COL27A1: variants seen among roughly 807,000 people sequenced by gnomAD.
COL27A1 encodes collagen alpha-1(XXVII) chain.
Under a neutral mutation model 251.3 loss-of-function variants are expected in COL27A1, and 106 were observed. That is an observed-to-expected ratio of 0.42 (90% CI 0.36 to 0.50). The LOEUF is 0.50. Among genes scored for constraint, COL27A1 ranks in the 20% least tolerant of loss-of-function variants. The pLI, the probability that COL27A1 is intolerant of heterozygous loss-of-function variation, is 0.00. For missense variants in COL27A1, 2,325 were observed against 2,522.8 expected (o/e 0.92, Z 1.68); for synonymous variants, 1,000 against 986.3 (o/e 1.01, Z -0.26).
At chr9:114,283,799 G>T (rs774802328) in intron 40 of COL27A1, 37 bp downstream of exon 40, 1 of 1,608,540 alleles carries the variant, frequency 6.2e-7, no homozygotes, top group South Asian at 1.1e-5. Flanking sequence ...CCCCGACTCT[G>T]TCCTGCAGGC....
At position 114,267,533 on chromosome 9, in the gene COL27A1, C is replaced by T. The variant is rs571291463; in HGVS notation, c.3477C>T (p.Gly1159=). Residue 1159 remains glycine, a synonymous_variant, in exon 34 of 61, where the codon GGC becomes GGT. Transcript: ENST00000356083. ...CGCCTGGTGCAGTGGGAGAACCGGG[C>T]CTTCCTGGGGAAGCCGGGATGAAGG... ...KGPPGAVGEP[G]LPGEAGMKGD... is the part of the protein sequence containing the mutation. 1 of 1,595,784 alleles carries T rather than the reference C, an allele frequency of 6.3e-7. No homozygotes were observed. Among genetic ancestry groups the T allele is most frequent in the East Asian group, 2.3e-5 (1 of 43,500 alleles).
At chr9:114,219,523 T>A (rs749973124) in intron 12 of COL27A1, among the ~76,000 whole-genome samples, 9 of 152,166 alleles carry the variant, frequency 5.9e-5, no homozygotes, top group African/African-American at 9.7e-5. Context: ...GATCTCAGAA[T>A]AGGGGATTGG....
chr9:114,269,542 G>T (rs1017165664), intron 35 of COL27A1, among the ~76,000 whole-genome samples: 2 of 145,760 alleles, frequency 1.4e-5, no homozygotes, highest in Non-Finnish European at 3.0e-5. Flanking sequence ...TTGGACCCAG[G>T]AGTTGGAGGT....
chr9:114,300,975 A>C, intron 51 of COL27A1, 97 bp from the exon 52 acceptor site: 1 of 1,205,238 alleles, frequency 8.3e-7, no homozygotes, highest in Non-Finnish European at 1.2e-6. Context: ...TCTCCCTTCT[A>C]CTCCCTTGCG....
rs758805999 is a variant in COL27A1, at chr9:114,168,573, T to C, written c.1018T>C (p.Ser340Pro). The C allele has an allele frequency of 6.8e-6, 11 of 1,613,914 alleles. No individual in the cohort carries two copies. The African/African-American group carries it at 1.1e-4, about 16-fold the overall frequency. The change falls in exon 3 of 61, where the codon TCT (serine) becomes CCT (proline). Residue 340 changes from serine (S) to proline (P), a missense_variant. By Grantham distance (74) the Ser-to-Pro change is moderately conservative. This residue lies in a region of COL27A1 where 1,183 missense variants were observed against 1,144.1 expected (regional missense o/e 1.03). Transcript: ENST00000356083. ...CGCACTTGATCCCATGCTCCCAGCC[T>C]CTGTTGGCGGCTCTACCAGAACGCC... ...SNALDPMLPA[S>P]VGGSTRTPRP...
intron 34 of COL27A1, 124 bp downstream of exon 34, chr9:114,267,681 C>T (rs1405368976): frequency 1.2e-5 from 11 of 926,098 alleles, no homozygotes; most frequent in South Asian, 1.1e-4. Context: ...TCTCTGTGCT[C>T]CTGGCTGGGG....
In COL27A1 at chr9:114,240,345, C is replaced by T. The variant is rs890691146; in HGVS notation, c.2781+72C>T. ...TGCAGAAACCACAGGGGCTGGCTGC[C>T]TGGCTTGGAAGCAGGGGTTGCCTTG... is the stretch of plus-strand genomic sequence containing the variant. On this transcript the variant is annotated intron_variant, in intron 20 of 60. Coordinates refer to ENST00000356083, the MANE Select transcript of COL27A1 (RefSeq NM_032888.4). 8 of 1,585,182 alleles carry T rather than the reference C, an allele frequency of 5.0e-6. No homozygotes were observed. The African/African-American group carries it at 1.1e-4, about 21-fold the overall frequency.
chr9:114,213,977 C>T, intron 12 of COL27A1, among the ~76,000 whole-genome samples: 1 of 152,176 alleles, frequency 6.6e-6, no homozygotes, highest in East Asian at 1.9e-4. Flanking sequence ...GTGCAATACC[C>T]TTGAGAGCCA....
chr9:114,158,684 T>C (rs559657581), intron 1 of COL27A1, among the ~76,000 whole-genome samples: 7 of 152,290 alleles, frequency 4.6e-5, no homozygotes, highest in Admixed American at 4.6e-4. Flanking sequence ...TAAACAGGAT[T>C]GGAACGGGAG....
intron 41 of COL27A1, among the ~76,000 whole-genome samples, chr9:114,288,149 G>A (rs1464977469): frequency 6.6e-6 from 1 of 152,164 alleles, no homozygotes. Flanking sequence ...AGTGTTGCAG[G>A]CCACACGGCT....
rs997912058 is a variant in COL27A1 at position 114,156,125 on chromosome 9, C to T, written c.62+113C>T. On this transcript the variant is annotated intron_variant, in intron 1 of 60. Transcript: ENST00000356083. ...TCCAGCGGAACGTCAGCTTCCTGCCCCTTCCTGCGCCCCCGCGAGGCGGGA... is the reference window on the plus strand; with the variant it reads ...TCCAGCGGAACGTCAGCTTCCTGCCTCTTCCTGCGCCCCCGCGAGGCGGGA... 6 of 1,269,340 alleles carry T rather than the reference C, an allele frequency of 4.7e-6. No individual in the cohort carries two copies. The African/African-American group carries it at 9.2e-5, about 19-fold the overall frequency. 78.6% of individuals were successfully genotyped at this position (1,269,340 alleles called of 1,614,324 possible).
intron 45 of COL27A1, 87 bp downstream of exon 45, chr9:114,289,382 CTGCAGAGG>C: frequency 7.6e-7 from 1 of 1,312,712 alleles, no homozygotes; most frequent in South Asian, 1.4e-5. Context: ...CAAACGCAGG[CTGCAGAGG>C]CTGCGAGGCA....
At chr9:114,241,791 T>G (rs1195673101) in intron 21 of COL27A1, among the ~76,000 whole-genome samples, 1 of 152,188 alleles carries the variant, frequency 6.6e-6, no homozygotes, top group African/African-American at 2.4e-5. Flanking sequence ...CTTATTATAT[T>G]TGAGGATGAT....
chr9:114,245,640 C>T (rs1264744646), intron 23 of COL27A1, among the ~76,000 whole-genome samples: 1 of 152,170 alleles, frequency 6.6e-6, no homozygotes, highest in East Asian at 1.9e-4. Context: ...AAGCCAAGGC[C>T]CCCTCAGAGG....
At chr9:114,305,225 C>T (rs924786318) in intron 57 of COL27A1, among the ~76,000 whole-genome samples, 1 of 152,214 alleles carries the variant, frequency 6.6e-6, no homozygotes, top group African/African-American at 2.4e-5. Context: ...CTCCTATGAA[C>T]ATTTCGGTTT....
Position 114,169,449 on chromosome 9 carries a change from GA to G in COL27A1, c.1895del (p.Asp632AlafsTer116), listed in dbSNP as rs773501392. 6.5e-7 allele frequency: 1 copy of G among 1,539,592 alleles called. No homozygotes were observed. Among genetic ancestry groups the G allele is most frequent in the Non-Finnish European group, 8.7e-7 (1 of 1,145,566 alleles). ...LLMGPPGPKG[D>X]CGLPGPPGLP... ...GATGGGGCCTCCGGGACCCAAGGGA[GA>G]CTGTGGCTTGCCGGTAAGACTGAGT... On this transcript the variant is annotated frameshift_variant, in exon 3 of 61. Transcript: ENST00000356083. LOFTEE classifies it high-confidence loss of function.
intron 11 of COL27A1, 32 bp from the exon 12 acceptor site, chr9:114,210,950 G>A (rs1366425949): frequency 6.2e-7 from 1 of 1,613,634 alleles, no homozygotes; most frequent in East Asian, 2.2e-5. Flanking sequence ...CTGGCATCCT[G>A]CCCTGACCTC....
chr9:114,309,262 C>T lies in COL27A1; in HGVS notation c.5220C>T (p.Val1740=), dbSNP rs886514953. The change falls in exon 60 of 61, where the codon GTC becomes GTT. Residue 1740 remains valine, a splice_region_variant and synonymous_variant. Coordinates refer to ENST00000356083, the MANE Select transcript of COL27A1 (RefSeq NM_032888.4). ...TCLKPITASK[V]EFAISRVQMN... Reference sequence around the variant, plus strand: ...TCACTGCCGTTGCTTCTCTATAGGTCGAGTTTGCCATCAGCCGGGTCCAGA... The same window carrying T: ...TCACTGCCGTTGCTTCTCTATAGGTTGAGTTTGCCATCAGCCGGGTCCAGA... The T allele has an allele frequency of 8.7e-6, 14 of 1,613,888 alleles. No individual in the cohort carries two copies. The East Asian group carries it at 1.6e-4, about 18-fold the overall frequency.
At position 114,194,513 on chromosome 9, in the gene COL27A1, T is replaced by A. The variant is rs933433092; in HGVS notation, c.2070+56T>A. On this transcript the variant is annotated intron_variant, in intron 6 of 60. Coordinates refer to ENST00000356083, the MANE Select transcript of COL27A1 (RefSeq NM_032888.4). ...AAGAGGGGAGTGGATGATAGTGAAATTGCCACACTTTAAAGCTAGCTGTCC... is the reference window on the plus strand; with the variant it reads ...AAGAGGGGAGTGGATGATAGTGAAAATGCCACACTTTAAAGCTAGCTGTCC... 7.5e-6 allele frequency: 11 copies of A among 1,457,942 alleles called. No homozygotes were observed. The African/African-American group carries it at 1.6e-4, about 21-fold the overall frequency. The allele number at this position is 1,457,942 out of a possible 1,614,324, so 90.3% of individuals were successfully genotyped here.
Sources: gnomAD v4.1 joint callset for allele counts (sites outside exome capture counted in the v4.1 genomes callset) on GRCh38, gnomAD v4.1.1 for gene constraint, gnomAD v4.1.1 regional missense constraint, MANE v1.5 for transcripts, NCBI Gene and HGNC (gene_info 2026-07-23, HGNC 2026-07-21) for gene names.